The following DENND3 variants were observed in gnomAD, a reference collection of about 807,000 sequenced individuals.
DENND3 encodes the protein DENN domain-containing protein 3.
Under a neutral mutation model 135.1 loss-of-function variants are expected in DENND3, and 88 were observed. The ratio of observed to expected loss-of-function variants is 0.65; its 90% confidence interval spans 0.55 to 0.78. The LOEUF (loss-of-function observed/expected upper bound fraction) is 0.78, where lower values mean the gene tolerates loss of function less well. DENND3 is among the 30% of genes least tolerant of loss of function. The probability of loss-of-function intolerance (pLI) is 0.00; values close to 1 mark genes in which losing one functional copy is unlikely to be tolerated. For missense variants in DENND3, 1,392 were observed against 1,688.4 expected (o/e 0.82, Z 3.08); for synonymous variants, 693 against 712.3 (o/e 0.97, Z 0.43).
rs895321923 is a variant in DENND3, at chr8:141,194,948, G to A, written c.*715G>A. 1.3e-5 allele frequency: 2 copies of A among 152,210 alleles called. No individual in the cohort carries two copies. Among genetic ancestry groups the A allele is most frequent in the African/African-American group, 4.8e-5 (2 of 41,438 alleles). 9.4% of individuals were successfully genotyped at this position (152,210 alleles called of 1,614,324 possible). ...TACCAAAGATCACAGACCAGAAAAAGTTCCATCTAAAATATCATGCCCAGG... is the reference window on the plus strand; with the variant it reads ...TACCAAAGATCACAGACCAGAAAAAATTCCATCTAAAATATCATGCCCAGG... On this transcript the variant is annotated 3_prime_UTR_variant, in exon 23 of 23. Coordinates refer to ENST00000519811, the MANE Select transcript of DENND3 (RefSeq NM_001352890.3).
At chr8:141,164,752 C>T (rs1481813450) in intron 10 of DENND3, among the ~76,000 whole-genome samples, 1 of 152,248 alleles carries the variant, frequency 6.6e-6, no homozygotes, top group African/African-American at 2.4e-5. Flanking sequence ...CCAGCTGCCT[C>T]AGCCTCTGTG....
At chr8:141,134,008 GA>G (rs1233550386) in intron 1 of DENND3, among the ~76,000 whole-genome samples, 1 of 152,058 alleles carries the variant, frequency 6.6e-6, no homozygotes, top group African/African-American at 2.4e-5. Context: ...CGCAACCTGT[GA>G]GCAGGACTGA....
intron 5 of DENND3, among the ~76,000 whole-genome samples, chr8:141,149,101 G>A (rs896506805): frequency 2.2e-4 from 33 of 152,172 alleles, no homozygotes; most frequent in African/African-American, 7.5e-4. Context: ...GTAGAGACAA[G>A]GTTTCTCCAT....
At chr8:141,134,797 T>G (rs987965472) in intron 1 of DENND3, among the ~76,000 whole-genome samples, 1 of 152,210 alleles carries the variant, frequency 6.6e-6, no homozygotes, top group Non-Finnish European at 1.5e-5. Flanking sequence ...CTGTGCGTTT[T>G]CTGTCAGCCA....
At chr8:141,157,181 A>G (rs919407359) in intron 8 of DENND3, among the ~76,000 whole-genome samples, 2 of 152,124 alleles carry the variant, frequency 1.3e-5, no homozygotes, top group Middle Eastern at 3.2e-3. Context: ...AACTTTTTCC[A>G]ACAAGTGTCA....
chr8:141,134,207 A>G (rs1343405070), intron 1 of DENND3, among the ~76,000 whole-genome samples: 1 of 152,194 alleles, frequency 6.6e-6, no homozygotes, highest in Middle Eastern at 3.2e-3. Context: ...AGTGACATGT[A>G]ATTGAGGAAA....
intron 11 of DENND3, among the ~76,000 whole-genome samples, 195 bp from the exon 12 acceptor site, chr8:141,165,995 T>C (rs575297055): frequency 6.6e-6 from 1 of 152,272 alleles, no homozygotes; most frequent in African/African-American, 2.4e-5. Context: ...TGCTGGTTTC[T>C]TCTGGGCTTG....
chr8:141,186,784 T>C (rs186606082), intron 18 of DENND3, among the ~76,000 whole-genome samples: 126 of 152,344 alleles, frequency 8.3e-4, no homozygotes, highest in Non-Finnish European at 1.5e-3. Flanking sequence ...CTGGGATTCC[T>C]GCCCTGCTCA....
chr8:141,175,125 G>A lies in DENND3; in HGVS notation c.2276-75G>A. On this transcript the variant is annotated intron_variant, in intron 13 of 22. Transcript: ENST00000519811. This position sits in a 1 kb window ranked among gnomAD's most constrained non-coding sequence, Gnocchi z 5.4. ...GTTCCGGTAGTGTGCGGTTTCTTCA[G>A]GTCATGGAGAAGCCCTTGGGGCTCC... The A allele has an allele frequency of 1.3e-6, 2 of 1,519,350 alleles. No homozygotes were observed. The highest frequency in any genetic ancestry group is 4.1e-5 in the Admixed American group (2 of 48,380). The allele number at this position is 1,519,350 out of a possible 1,614,324, so 94.1% of individuals were successfully genotyped here.
intron 17 of DENND3, among the ~76,000 whole-genome samples, chr8:141,181,194 C>T (rs934586849): frequency 3.9e-5 from 6 of 152,196 alleles, no homozygotes; most frequent in Non-Finnish European, 8.8e-5. Context: ...GAGTCTTGCT[C>T]TGTCACCCAG....
rs1817999350 is a variant in DENND3 at position 141,145,828 on chromosome 8, TATATATATATA to T, written c.735+1570_735+1580del. 1.4e-3 allele frequency among the ~76,000 whole-genome samples: 126 copies of T among 90,676 alleles called. 7 individuals carry two copies. The highest frequency in any genetic ancestry group is 7.7e-3 in the African/African-American group (121 of 15,704). The allele number at this position is 90,676 out of a possible 152,430, so 59.5% of individuals were successfully genotyped here. On this transcript the variant is annotated intron_variant, in intron 5 of 22. Coordinates refer to ENST00000519811, the MANE Select transcript of DENND3 (RefSeq NM_001352890.3). ...TTATATATATATATATATATATATATATATATATATATATATATATATGTATTTTTTTTTTT... is the reference window on the plus strand; with the variant it reads ...TTATATATATATATATATATATATATTATATATATATGTATTTTTTTTTTT...
At chr8:141,142,967 CT>C (rs1461776149) in intron 4 of DENND3, 1 of 153,276 alleles carries the variant, frequency 6.5e-6, no homozygotes, top group East Asian at 1.9e-4. Flanking sequence ...AACAGATATC[CT>C]CCTGCTAGAC....
chr8:141,178,290 G>A lies in DENND3; in HGVS notation c.2836+94G>A, dbSNP rs187737417. On this transcript the variant is annotated intron_variant, in intron 16 of 22. Transcript: ENST00000519811. ...GATGTCTGTTTTATCAAGTAGAACCGAGCCCAGCTCCCCCAGTTTTTTCTT... is the reference window on the plus strand; with the variant it reads ...GATGTCTGTTTTATCAAGTAGAACCAAGCCCAGCTCCCCCAGTTTTTTCTT... 236 of 1,484,306 alleles carry A rather than the reference G, an allele frequency of 1.6e-4. No homozygotes were observed. In the African/African-American group the frequency reaches 2.9e-3, roughly 18 times the overall value. The allele number at this position is 1,484,306 out of a possible 1,614,324, so 91.9% of individuals were successfully genotyped here.
intron 8 of DENND3, among the ~76,000 whole-genome samples, chr8:141,160,179 T>TA (rs1461102032): frequency 1.2e-5 from 1 of 81,770 alleles, no homozygotes; most frequent in African/African-American, 5.0e-5. Context: ...GCGATGTATT[T>TA]TTTTTTTTTT....
rs1034024008 is a variant in DENND3, at chr8:141,175,052, A to G, written c.2276-148A>G. ...CAGGGAAGGCCCTGGGAAACCTTCT[A>G]GGCAGTTTCCATCCAGCGCCCTGAG... On this transcript the variant is annotated intron_variant, in intron 13 of 22. Coordinates refer to ENST00000519811, the MANE Select transcript of DENND3 (RefSeq NM_001352890.3). The surrounding 1 kb of genome is among the most constrained non-coding windows in gnomAD (Gnocchi z 5.4). 18 of 883,266 alleles carry G rather than the reference A, an allele frequency of 2.0e-5. No homozygotes were observed. In the African/African-American group the frequency reaches 3.0e-4, roughly 15 times the overall value. The allele number at this position is 883,266 out of a possible 1,614,324, so 54.7% of individuals were successfully genotyped here.
At chr8:141,185,459 C>A (rs892921032) in intron 18 of DENND3, 181 bp downstream of exon 18, 15 of 740,604 alleles carry the variant, frequency 2.0e-5, no homozygotes, top group Middle Eastern at 2.5e-4. Flanking sequence ...TTGTTCCAAA[C>A]TTCTACTTAC....
intron 1 of DENND3, among the ~76,000 whole-genome samples, chr8:141,133,340 G>A (rs926134487): frequency 6.6e-6 from 1 of 152,210 alleles, no homozygotes. Flanking sequence ...CGTATGACAC[G>A]TGGGAAGATA....
chr8:141,176,789 T>A (rs1319637341), intron 15 of DENND3, 28 bp downstream of exon 15: 2 of 1,603,028 alleles, frequency 1.2e-6, no homozygotes, highest in Non-Finnish European at 1.7e-6. Flanking sequence ...CCTCTGCCCT[T>A]TGCTGTGGCT....
Position 141,141,958 on chromosome 8 carries a change from G to A in DENND3, c.623+634G>A, listed in dbSNP as rs371843373. On this transcript the variant is annotated intron_variant, in intron 4 of 22. Transcript: ENST00000519811. This position sits in a 1 kb window ranked among gnomAD's most constrained non-coding sequence, Gnocchi z 5.3. ...ACTGGGAAGGCTAACGCAGGAGGAT[G>A]GCTTAAGCCTAGGAGTTCAAGGCTG... 1.5e-3 allele frequency: 298 copies of A among 202,400 alleles called. No individual in the cohort carries two copies. The highest frequency in any genetic ancestry group is 8.4e-3 in the Middle Eastern group (4 of 476). The allele number at this position is 202,400 out of a possible 1,614,324, so 12.5% of individuals were successfully genotyped here. A position where few individuals can be genotyped will look rare whatever the true frequency, so the allele number is the denominator to read the frequency against.
Sources: gnomAD v4.1 joint callset for allele counts (sites outside exome capture counted in the v4.1 genomes callset) on GRCh38, gnomAD v4.1.1 for gene constraint, Gnocchi (gnomAD v3.1) non-coding constraint, MANE v1.5 for transcripts, NCBI Gene and HGNC (gene_info 2026-07-23, HGNC 2026-07-21) for gene names.